Variants in PTPRZ1 observed in about 807,000 individuals in gnomAD.
PTPRZ1 encodes the protein protein tyrosine phosphatase receptor type Z1, also known as receptor-type tyrosine-protein phosphatase zeta.
In PTPRZ1, 82 loss-of-function variants were observed where a neutral mutation model predicts 214.1. That is an observed-to-expected ratio of 0.38 (90% CI 0.32 to 0.46). The LOEUF (loss-of-function observed/expected upper bound fraction) is 0.46, where lower values mean the gene tolerates loss of function less well. PTPRZ1 is among the 20% of genes least tolerant of loss of function. The probability of loss-of-function intolerance (pLI) is 1.00; values close to 1 mark genes in which losing one functional copy is unlikely to be tolerated. For synonymous variants in PTPRZ1, 945 were observed against 987.9 expected (o/e 0.96, Z 0.81); for missense variants, 2,603 against 2,748.7 (o/e 0.95, Z 1.19).
intron 20 of PTPRZ1, 62 bp from the exon 21 acceptor site, chr7:122,040,754 G>A: frequency 3.8e-6 from 3 of 786,226 alleles, no homozygotes; most frequent in Non-Finnish European, 5.7e-6. Context: ...GTGTGTGTGT[G>A]TGTGTGTGTG....
In PTPRZ1 at chr7:122,055,008, C is replaced by A. The variant is rs199526461; in HGVS notation, c.6449C>A (p.Thr2150Asn). 6.2e-7 allele frequency: 1 copy of A among 1,606,358 alleles called. No individual in the cohort carries two copies. The highest frequency in any genetic ancestry group is 8.5e-7 in the Non-Finnish European group (1 of 1,174,176). ...EPINCESFKV[T>N]LMAEEHKCLS... is the part of the protein sequence containing the mutation. ...ATAAATTGTGAGAGCTTTAAGGTCACTCTTATGGCTGAAGAACACAAATGT... is the reference window on the plus strand; with the variant it reads ...ATAAATTGTGAGAGCTTTAAGGTCAATCTTATGGCTGAAGAACACAAATGT... Residue 2150 changes from threonine to asparagine, a missense_variant, in exon 27 of 30, where the codon ACT becomes AAT. By Grantham distance (65) the Thr-to-Asn change is moderately conservative. Coordinates refer to ENST00000393386, the MANE Select transcript of PTPRZ1 (RefSeq NM_002851.3).
chr7:121,969,421 G>A (rs999383518), intron 3 of PTPRZ1, among the ~76,000 whole-genome samples: 23 of 151,944 alleles, frequency 1.5e-4, no homozygotes, highest in Admixed American at 7.2e-4. Context: ...AATTAGCCAG[G>A]CATGGTGGTG....
intron 6 of PTPRZ1, among the ~76,000 whole-genome samples, chr7:121,981,271 C>T (rs1196514): frequency 6.6e-6 from 1 of 151,966 alleles, no homozygotes; most frequent in Non-Finnish European, 1.5e-5. Context: ...AATCTAGATG[C>T]CCAGGCCTGA....
chr7:122,007,266 T>A (rs570955836), intron 11 of PTPRZ1, among the ~76,000 whole-genome samples: 57 of 152,242 alleles, frequency 3.7e-4, no homozygotes, highest in Non-Finnish European at 7.2e-4. Context: ...TTACCCATGG[T>A]GGTAGTACCC....
intron 1 of PTPRZ1, among the ~76,000 whole-genome samples, chr7:121,896,957 A>G (rs1563006442): frequency 6.6e-6 from 1 of 152,084 alleles, no homozygotes; most frequent in African/African-American, 2.4e-5. Flanking sequence ...TTTTCCCTCA[A>G]TTGGCAATTT....
intron 3 of PTPRZ1, among the ~76,000 whole-genome samples, chr7:121,968,686 A>C (rs1424392035): frequency 6.6e-6 from 1 of 151,792 alleles, no homozygotes; most frequent in African/African-American, 2.4e-5. Context: ...ATTTAAGTAC[A>C]AATTCTAATA....
intron 1 of PTPRZ1, among the ~76,000 whole-genome samples, chr7:121,899,151 T>G (rs2116254062): frequency 6.6e-6 from 1 of 152,298 alleles, no homozygotes; most frequent in South Asian, 2.1e-4. Context: ...TAATGGATTT[T>G]TTTTTAAAAC....
intron 3 of PTPRZ1, among the ~76,000 whole-genome samples, chr7:121,971,474 G>A (rs1563044012): frequency 6.6e-6 from 1 of 151,986 alleles, no homozygotes; most frequent in South Asian, 2.1e-4. Flanking sequence ...AGGGGAGAGT[G>A]GTTATTAGAT....
At chr7:121,996,690 A>G in intron 9 of PTPRZ1, 124 bp downstream of exon 9, 1 of 707,894 alleles carries the variant, frequency 1.4e-6, no homozygotes, top group Non-Finnish European at 2.1e-6. Flanking sequence ...AAGGTGGGGT[A>G]GGCTGAGTAT....
chr7:122,031,637 G>C, intron 15 of PTPRZ1, 78 bp downstream of exon 15: 1 of 1,026,622 alleles, frequency 9.7e-7, no homozygotes, highest in Admixed American at 2.5e-5. Context: ...GCTATTTCTT[G>C]ACCTAAAGAC....
rs1797753914 is a variant in PTPRZ1 at position 121,986,003 on chromosome 7, C to T, written c.928+1886C>T. Among the ~76,000 whole-genome samples, 3 of 152,304 alleles carry T rather than the reference C, an allele frequency of 2.0e-5. No homozygotes were observed. The East Asian group carries it at 5.8e-4, about 29-fold the overall frequency. On this transcript the variant is annotated intron_variant, in intron 8 of 29. Coordinates refer to ENST00000393386, the MANE Select transcript of PTPRZ1 (RefSeq NM_002851.3). ...AGACTCCATTTCCACATAATAAAAA[C>T]ATAGCAAGTTATACTTAATGGGTGC...
intron 10 of PTPRZ1, among the ~76,000 whole-genome samples, chr7:122,003,029 C>T (rs1326210784): frequency 6.6e-6 from 1 of 152,130 alleles, no homozygotes; most frequent in African/African-American, 2.4e-5. Context: ...TTGTCTGTCA[C>T]AGTTTAGTTG....
chr7:122,022,695 A>AT (rs1302682161), intron 13 of PTPRZ1, among the ~76,000 whole-genome samples: 1 of 152,116 alleles, frequency 6.6e-6, no homozygotes, highest in Admixed American at 6.6e-5. Context: ...TTTTTCTCTT[A>AT]TTGCTTGCAC....
Position 121,900,191 on chromosome 7 carries a change from G to A in PTPRZ1, c.58+26634G>A, listed in dbSNP as rs559414519. ...AACATGACCAGGGAGAAGGTAAGCA[G>A]AAGGGGTGAACTGAAACTAGATGCT... On this transcript the variant is annotated intron_variant, in intron 1 of 29. Coordinates refer to ENST00000393386, the MANE Select transcript of PTPRZ1 (RefSeq NM_002851.3). 1.6e-4 allele frequency among the ~76,000 whole-genome samples: 24 copies of A among 152,266 alleles called. No homozygotes were observed. In the South Asian group the frequency reaches 4.6e-3, roughly 29 times the overall value.
At position 121,944,646 on chromosome 7, in the gene PTPRZ1, A is replaced by T. The variant is rs905882125; in HGVS notation, c.124+16425A>T. ...TTTTAGTGCCATACTTACAGATTAC[A>T]TTTTTTTTTTAAAGACAGTCTTGTC... On this transcript the variant is annotated intron_variant, in intron 2 of 29. Coordinates refer to ENST00000393386, the MANE Select transcript of PTPRZ1 (RefSeq NM_002851.3). Among the ~76,000 whole-genome samples, 4 of 150,748 alleles carry T rather than the reference A, an allele frequency of 2.7e-5. No individual in the cohort carries two copies. In the South Asian group the frequency reaches 6.3e-4, roughly 24 times the overall value.
At chr7:121,913,222 G>A (rs979074719) in intron 1 of PTPRZ1, among the ~76,000 whole-genome samples, 5 of 152,210 alleles carry the variant, frequency 3.3e-5, no homozygotes, top group Non-Finnish European at 4.4e-5. Flanking sequence ...AAAGGAGAAA[G>A]TAGAGATACC....
chr7:121,939,581 C>T (rs1410731622), intron 2 of PTPRZ1, among the ~76,000 whole-genome samples: 2 of 152,206 alleles, frequency 1.3e-5, no homozygotes, highest in African/African-American at 2.4e-5. Flanking sequence ...TATGTTCAGT[C>T]AACTTGTGTT....
chr7:121,935,109 GATAA>G (rs1231626491), intron 2 of PTPRZ1, among the ~76,000 whole-genome samples: 1 of 152,070 alleles, frequency 6.6e-6, no homozygotes, highest in Non-Finnish European at 1.5e-5. Flanking sequence ...TTGATCAAAA[GATAA>G]ATAAATATGC....
rs1487730794 is a variant in PTPRZ1, at chr7:121,983,733, A to G, written c.688A>G (p.Ile230Val). The G allele has an allele frequency of 2.5e-6, 4 of 1,613,774 alleles. No individual in the cohort carries two copies. The highest frequency in any genetic ancestry group is 3.4e-6 in the Non-Finnish European group (4 of 1,179,884). Residue 230 changes from isoleucine (I) to valine (V), a missense_variant, in exon 7 of 30, where the codon ATT becomes GTT. This residue lies in a region of PTPRZ1 where 244 missense variants were observed against 333.2 expected (regional missense o/e 0.73). Coordinates refer to ENST00000393386, the MANE Select transcript of PTPRZ1 (RefSeq NM_002851.3). The part of the protein sequence containing the change: ...LLPNSTDKYY[I>V]YNGSLTSPPC... Reference sequence around the variant, plus strand: ...GCCAAACTCAACTGACAAGTATTACATTTACAATGGCTCATTGACATCTCC... The same window carrying G: ...GCCAAACTCAACTGACAAGTATTACGTTTACAATGGCTCATTGACATCTCC...
Sources: allele counts gnomAD v4.1 joint callset (sites outside exome capture counted in the v4.1 genomes callset), GRCh38; gene constraint gnomAD v4.1.1; regional missense constraint gnomAD v4.1.1; transcripts MANE v1.5; gene names NCBI Gene and HGNC (gene_info 2026-07-23, HGNC 2026-07-21).